Variants in ARHGAP28 observed in about 807,000 individuals in gnomAD.
ARHGAP28 encodes the protein Rho GTPase activating protein 28.
ARHGAP28 carries 56 observed loss-of-function variants against 90.7 expected under a neutral mutation model. The ratio of observed to expected loss-of-function variants is 0.62; its 90% CI spans 0.50 to 0.77. The LOEUF is 0.77. ARHGAP28 is among the 30% of genes least tolerant of loss of function. The pLI is 0.00. For synonymous variants in ARHGAP28, 308 were observed against 323.3 expected, an observed-to-expected ratio of 0.95 and a Z score of 0.51; for missense variants, 869 against 900.9, an observed-to-expected ratio of 0.96 and a Z score of 0.45.
intron 1 of ARHGAP28, among the ~76,000 whole-genome samples, chr18:6,777,965 A>G (rs1201007262): frequency 6.6e-6 from 1 of 152,150 alleles, no homozygotes; most frequent in East Asian, 1.9e-4. Flanking sequence ...CTGATTGGAC[A>G]TAGGTATTTC....
chr18:6,894,964 A>G lies in ARHGAP28; in HGVS notation c.1905+73A>G. 6.5e-6 allele frequency: 9 copies of G among 1,377,542 alleles called. No individual in the cohort carries two copies. The South Asian group carries it at 9.4e-5, about 14-fold the overall frequency. 85.3% of individuals were successfully genotyped at this position (1,377,542 alleles called of 1,614,324 possible). On this transcript the variant is annotated intron_variant, in intron 15 of 17. Coordinates refer to ENST00000383472, the MANE Select transcript of ARHGAP28 (RefSeq NM_001366230.1). The stretch of plus-strand genomic sequence containing the variant: ...TTCTCTGGCGACATCCACCACATTT[A>G]TGTATAATGTTGGTCATGAACTATC...
chr18:6,826,532 T>G (rs966802433), intron 2 of ARHGAP28, among the ~76,000 whole-genome samples: 2 of 151,786 alleles, frequency 1.3e-5, no homozygotes, highest in African/African-American at 4.8e-5. Context: ...ATAATTTAAT[T>G]TTTAATAATG....
At chr18:6,761,789 T>G (rs1320287582) in intron 1 of ARHGAP28, among the ~76,000 whole-genome samples, 2 of 152,212 alleles carry the variant, frequency 1.3e-5, no homozygotes, top group Admixed American at 1.3e-4. Flanking sequence ...ATTCCTCTTT[T>G]AGCTTTGCCA....
At chr18:6,895,212 C>T (rs1446375291) in intron 15 of ARHGAP28, among the ~76,000 whole-genome samples, 2 of 152,038 alleles carry the variant, frequency 1.3e-5, no homozygotes, top group South Asian at 2.1e-4. Flanking sequence ...AAGACATAGA[C>T]GATCAAAGGT....
Position 6,729,765 on chromosome 18 carries a change from T to C in ARHGAP28, c.-57T>C. ...TGCTGACAGCCTCCCGGCGCGCCGG[T>C]CCATGCTGGTCCCGGTCTTTGTTCT... is the stretch of plus-strand genomic sequence containing the variant. On this transcript the variant is annotated 5_prime_UTR_variant, in exon 1 of 18. Transcript: ENST00000383472. The C allele has an allele frequency of 7.6e-7, 1 of 1,315,832 alleles. No homozygotes were observed. Among genetic ancestry groups the C allele is most frequent in the South Asian group, 2.1e-5 (1 of 48,206 alleles). The allele number at this position is 1,315,832 out of a possible 1,614,324, so 81.5% of individuals were successfully genotyped here. A position where few individuals can be genotyped will look rare whatever the true frequency, so the allele number is the denominator to read the frequency against.
intron 2 of ARHGAP28, among the ~76,000 whole-genome samples, chr18:6,825,658 T>G (rs949423588): frequency 1.3e-5 from 2 of 152,178 alleles, no homozygotes; most frequent in Non-Finnish European, 2.9e-5. Context: ...TGTTTATGTT[T>G]GTGGGTGCTT....
intron 1 of ARHGAP28, among the ~76,000 whole-genome samples, chr18:6,779,630 C>G (rs2056309414): frequency 6.6e-6 from 1 of 152,192 alleles, no homozygotes; most frequent in South Asian, 2.1e-4. Context: ...TGCCCCAGTT[C>G]TAGGTTGGAG....
At chr18:6,826,861 T>TAC (rs1191744014) in intron 2 of ARHGAP28, among the ~76,000 whole-genome samples, 1 of 152,012 alleles carries the variant, frequency 6.6e-6, no homozygotes, top group Non-Finnish European at 1.5e-5. Context: ...TGTCCCTGGG[T>TAC]ACTTGAGATT....
chr18:6,860,418 T>C (rs947478365), intron 5 of ARHGAP28, among the ~76,000 whole-genome samples: 10 of 152,222 alleles, frequency 6.6e-5, no homozygotes, highest in Non-Finnish European at 1.5e-4. Flanking sequence ...CAAAAATTTT[T>C]GTCATTCCCC....
In ARHGAP28 at chr18:6,824,864, C is replaced by T. The variant is rs1008291449; in HGVS notation, c.225C>T (p.Ser75=). The part of the protein sequence containing the change: ...SRSNSEASVD[S]ASMEDFWREI... Reference sequence around the variant, plus strand: ...CCAACTCAGAAGCCTCCGTAGACAGCGCCTCCATGGAGGATTTCTGGCGGG... The same window carrying T: ...CCAACTCAGAAGCCTCCGTAGACAGTGCCTCCATGGAGGATTTCTGGCGGG... The change falls in exon 2 of 18, where the codon AGC becomes AGT. Residue 75 remains serine, a synonymous_variant. Transcript: ENST00000383472. 3.4e-5 allele frequency: 52 copies of T among 1,536,254 alleles called. No individual in the cohort carries two copies. The highest frequency in any genetic ancestry group is 9.6e-5 in the African/African-American group (7 of 73,120).
intron 14 of ARHGAP28, among the ~76,000 whole-genome samples, chr18:6,891,659 C>T (rs1431106956): frequency 6.6e-6 from 1 of 152,022 alleles, no homozygotes; most frequent in African/African-American, 2.4e-5. Context: ...ATGATCATAG[C>T]TCACTGCAAC....
At chr18:6,735,755 G>A (rs140692400) in intron 1 of ARHGAP28, among the ~76,000 whole-genome samples, 2 of 151,898 alleles carry the variant, frequency 1.3e-5, no homozygotes, top group Non-Finnish European at 2.9e-5. Context: ...GAGTTTTGCC[G>A]TGTTGCCCAG....
intron 1 of ARHGAP28, among the ~76,000 whole-genome samples, chr18:6,746,000 T>C (rs1232999748): frequency 6.6e-6 from 1 of 152,194 alleles, no homozygotes; most frequent in Non-Finnish European, 1.5e-5. Context: ...TTCTCCATTG[T>C]AGACCCAGCC....
chr18:6,793,866 A>T (rs1292053748), intron 1 of ARHGAP28, among the ~76,000 whole-genome samples: 3 of 152,052 alleles, frequency 2.0e-5, no homozygotes, highest in African/African-American at 7.2e-5. Flanking sequence ...AGTGTCCGAG[A>T]TTACTTGCTA....
chr18:6,785,871 G>A (rs2056360997), intron 1 of ARHGAP28, among the ~76,000 whole-genome samples: 2 of 152,184 alleles, frequency 1.3e-5, no homozygotes, highest in Admixed American at 6.5e-5. Context: ...TTGAAAAAAT[G>A]AAATAGAAAA....
chr18:6,737,915 A>G (rs1408771573), intron 1 of ARHGAP28, among the ~76,000 whole-genome samples: 2 of 152,326 alleles, frequency 1.3e-5, no homozygotes, highest in Non-Finnish European at 2.9e-5. Flanking sequence ...AATAATATAG[A>G]TAAACTGTCC....
intron 1 of ARHGAP28, among the ~76,000 whole-genome samples, chr18:6,767,210 T>A (rs1413896732): frequency 2.0e-5 from 3 of 152,204 alleles, no homozygotes; most frequent in Non-Finnish European, 4.4e-5. Context: ...ATACTATCAT[T>A]TCCTGTGTAA....
intron 11 of ARHGAP28, 121 bp downstream of exon 11, chr18:6,882,420 G>C (rs983505214): frequency 1.1e-6 from 1 of 944,254 alleles, no homozygotes; most frequent in African/African-American, 1.7e-5. Flanking sequence ...ACAGTGCTTG[G>C]TGGAATATTA....
chr18:6,747,528 C>T (rs1460506682), intron 1 of ARHGAP28, among the ~76,000 whole-genome samples: 2 of 152,140 alleles, frequency 1.3e-5, no homozygotes, highest in South Asian at 2.1e-4. Context: ...AAAAGTGCCT[C>T]ACTTTGGGAG....
Sources: allele counts gnomAD v4.1 joint callset (sites outside exome capture counted in the v4.1 genomes callset), GRCh38; gene constraint gnomAD v4.1.1; transcripts MANE v1.5; gene names NCBI Gene and HGNC (gene_info 2026-07-23, HGNC 2026-07-21).